GOSR1: variants seen among roughly 807,000 people sequenced by gnomAD.
The protein encoded by GOSR1 is 28 kDa Golgi SNARE protein.
In GOSR1, 21 loss-of-function variants were observed where a neutral mutation model predicts 35.5. That is an observed-to-expected ratio of 0.59 (90% CI 0.42 to 0.85). GOSR1 has a LOEUF of 0.85. Among genes scored for constraint, GOSR1 ranks in the 40% least tolerant of loss-of-function variants. The pLI is 0.00. For missense variants in GOSR1, 285 were observed against 309.6 expected (o/e 0.92, Z 0.60); for synonymous variants, 94 against 106.6 (o/e 0.88, Z 0.73).
rs145124511 is a variant in GOSR1 at position 30,493,649 on chromosome 17, T to C, written c.509+896T>C. 3.2e-3 allele frequency among the ~76,000 whole-genome samples: 493 copies of C among 152,328 alleles called. 1 individual carries two copies. Among genetic ancestry groups the C allele is most frequent in the Middle Eastern group, 6.8e-3 (2 of 294 alleles). On this transcript the variant is annotated intron_variant, in intron 6 of 8. Coordinates refer to ENST00000451249, the MANE Select transcript of GOSR1 (RefSeq NM_001007025.2). ...TTAAATAACAAAAGCTAAATGCCTT[T>C]CATAGTGCTCATTTTAGAAAGTATG...
intron 6 of GOSR1, among the ~76,000 whole-genome samples, chr17:30,501,201 A>G (rs989221044): frequency 1.3e-5 from 2 of 152,170 alleles, no homozygotes; most frequent in Non-Finnish European, 2.9e-5. Flanking sequence ...TTAAAATTCA[A>G]CAATTTTAAA....
In GOSR1 at chr17:30,523,164, A is replaced by G. The variant is rs1470860633; in HGVS notation, c.*786A>G. The G allele has an allele frequency of 1.0e-5, 2 of 195,476 alleles. No individual in the cohort carries two copies. The highest frequency in any genetic ancestry group is 2.1e-5 in the Non-Finnish European group (2 of 95,720). 12.1% of individuals were successfully genotyped at this position (195,476 alleles called of 1,614,324 possible). On this transcript the variant is annotated 3_prime_UTR_variant, in exon 9 of 9. Transcript: ENST00000451249. ...CTGCCCGGCCGCCACCCCGTCTGGA[A>G]AGTGAGGAGCGCCTCTGCCCGGCCG... is the stretch of plus-strand genomic sequence containing the variant.
rs182469160 is a variant in GOSR1 at position 30,485,112 on chromosome 17, A to G, written c.342+342A>G. 4.2e-4 allele frequency: 145 copies of G among 348,394 alleles called. 1 individual carries two copies. Among genetic ancestry groups the G allele is most frequent in the African/African-American group, 2.8e-3 (131 of 47,466 alleles). 21.6% of individuals were successfully genotyped at this position (348,394 alleles called of 1,614,324 possible). ...ACGTGGTGGGTAAGCGTGTACTTTC[A>G]GCTAGCTTTGAAGATAATATGGAGG... On this transcript the variant is annotated intron_variant, in intron 4 of 8. Coordinates refer to ENST00000451249, the MANE Select transcript of GOSR1 (RefSeq NM_001007025.2).
At chr17:30,497,712 A>G (rs1967050192) in intron 6 of GOSR1, among the ~76,000 whole-genome samples, 2 of 152,362 alleles carry the variant, frequency 1.3e-5, no homozygotes, top group East Asian at 1.9e-4. Flanking sequence ...CAATGCCAGA[A>G]TGGCATGTAG....
intron 6 of GOSR1, among the ~76,000 whole-genome samples, chr17:30,500,881 CTTTTT>C (rs34673687): frequency 7.2e-6 from 1 of 139,500 alleles, no homozygotes. Flanking sequence ...ACAAAGAACT[CTTTTT>C]TTTTTTTTTT....
chr17:30,484,406 C>A, intron 3 of GOSR1, 105 bp downstream of exon 3: 1 of 776,632 alleles, frequency 1.3e-6, no homozygotes, highest in Non-Finnish European at 2.3e-6. Flanking sequence ...TTATCCATTC[C>A]ATTCAATATG....
chr17:30,484,262 T>C lies in GOSR1; in HGVS notation c.195T>C (p.Phe65=), dbSNP rs1036229933. The change falls in exon 3 of 9, where the codon TTT becomes TTC. Residue 65 remains phenylalanine, a synonymous_variant. Coordinates refer to ENST00000451249, the MANE Select transcript of GOSR1 (RefSeq NM_001007025.2). The stretch of plus-strand genomic sequence containing the variant: ...ATGGATCAAGCCAAGACAGAATGTT[T>C]GAGACAATGGCGATTGAGATTGAAC... ...LLNGSSQDRM[F]ETMAIEIEQL... 1.9e-6 allele frequency: 3 copies of C among 1,612,322 alleles called. No homozygotes were observed. Among genetic ancestry groups the C allele is most frequent in the Non-Finnish European group, 2.5e-6 (3 of 1,178,538 alleles).
intron 6 of GOSR1, among the ~76,000 whole-genome samples, chr17:30,506,571 A>G (rs941602627): frequency 9.2e-5 from 14 of 152,244 alleles, no homozygotes; most frequent in Admixed American, 7.2e-4. Flanking sequence ...CCATCTCTAT[A>G]ATATAGAAGT....
At chr17:30,498,930 A>G (rs1237310591) in intron 6 of GOSR1, among the ~76,000 whole-genome samples, 1 of 152,190 alleles carries the variant, frequency 6.6e-6, no homozygotes, top group Non-Finnish European at 1.5e-5. Context: ...ACAAATATAT[A>G]GACTCTTTTA....
intron 7 of GOSR1, among the ~76,000 whole-genome samples, chr17:30,518,437 T>A (rs1439692791): frequency 2.0e-5 from 3 of 147,804 alleles, no homozygotes; most frequent in Admixed American, 6.8e-5. Flanking sequence ...TCTCTTGATT[T>A]AAAAAAAAAA....
intron 6 of GOSR1, among the ~76,000 whole-genome samples, chr17:30,500,757 C>T (rs894298562): frequency 2.0e-5 from 3 of 152,108 alleles, no homozygotes; most frequent in African/African-American, 4.8e-5. Context: ...TGTTTAAAAG[C>T]CTGCTGAAAT....
chr17:30,484,269 A>G lies in GOSR1; in HGVS notation c.202A>G (p.Met68Val), dbSNP rs1352015570. Residue 68 changes from methionine to valine, a missense_variant, in exon 3 of 9, where the codon ATG becomes GTG. Transcript: ENST00000451249. ...GSSQDRMFET[M>V]AIEIEQLLAR... ...AAGCCAAGACAGAATGTTTGAGACAATGGCGATTGAGATTGAACAACTTTT... is the reference window on the plus strand; with the variant it reads ...AAGCCAAGACAGAATGTTTGAGACAGTGGCGATTGAGATTGAACAACTTTT... 5 of 1,611,900 alleles carry G rather than the reference A, an allele frequency of 3.1e-6. No homozygotes were observed. The highest frequency in any genetic ancestry group is 1.7e-5 in the Admixed American group (1 of 60,030).
chr17:30,493,485 C>A (rs928753190), intron 6 of GOSR1, among the ~76,000 whole-genome samples: 3 of 152,022 alleles, frequency 2.0e-5, no homozygotes, highest in Non-Finnish European at 2.9e-5. Context: ...CAAATACTTG[C>A]TAGGTAATAA....
At chr17:30,497,228 T>A (rs1433345067) in intron 6 of GOSR1, among the ~76,000 whole-genome samples, 5 of 152,198 alleles carry the variant, frequency 3.3e-5, no homozygotes, top group African/African-American at 1.2e-4. Context: ...CAAGACTCTG[T>A]CTCTGAAATA....
rs555884469 is a variant in GOSR1, at chr17:30,498,382, G to A, written c.509+5629G>A. 4.6e-5 allele frequency among the ~76,000 whole-genome samples: 7 copies of A among 152,282 alleles called. No individual in the cohort carries two copies. In the East Asian group the frequency reaches 1.2e-3, roughly 25 times the overall value. Reference sequence around the variant, plus strand: ...TCCTCAGTGAGCTCAGCCAGGTGGGGTGGGGAGCAGAAAAGAAATGTGAAT... The same window carrying A: ...TCCTCAGTGAGCTCAGCCAGGTGGGATGGGGAGCAGAAAAGAAATGTGAAT... On this transcript the variant is annotated intron_variant, in intron 6 of 8. Coordinates refer to ENST00000451249, the MANE Select transcript of GOSR1 (RefSeq NM_001007025.2).
chr17:30,515,028 CT>C (rs1316126953), intron 7 of GOSR1, among the ~76,000 whole-genome samples: 1 of 152,168 alleles, frequency 6.6e-6, no homozygotes, highest in Non-Finnish European at 1.5e-5. Context: ...CTCAGCCTCA[CT>C]TTTCTGTTTG....
intron 4 of GOSR1, among the ~76,000 whole-genome samples, chr17:30,489,192 T>C (rs1376052729): frequency 6.6e-6 from 1 of 152,100 alleles, no homozygotes; most frequent in Non-Finnish European, 1.5e-5. Context: ...AAGACCAGCC[T>C]GGCCAACATG....
At chr17:30,518,133 T>A (rs976635280) in intron 7 of GOSR1, among the ~76,000 whole-genome samples, 1 of 152,170 alleles carries the variant, frequency 6.6e-6, no homozygotes, top group African/African-American at 2.4e-5. Context: ...TGTATGCAGA[T>A]CCATAGTCTT....
chr17:30,480,722 C>CCTTTTTTTT (rs34021840), intron 1 of GOSR1: 2 of 139,756 alleles, frequency 1.4e-5, no homozygotes, highest in African/African-American at 5.4e-5. Context: ...TTTTATTTTC[C>CCTTTTTTTT]TTTTTTTGAG....
Sources: allele counts gnomAD v4.1 joint callset (sites outside exome capture counted in the v4.1 genomes callset), GRCh38; gene constraint gnomAD v4.1.1; transcripts MANE v1.5; gene names NCBI Gene and HGNC (gene_info 2026-07-23, HGNC 2026-07-21).